TMEM267: variants seen among roughly 807,000 people sequenced by gnomAD.
TMEM267 encodes the protein transmembrane protein C5orf28.
A neutral mutation model predicts 19.3 loss-of-function variants in TMEM267; 20 were observed. That is an observed-to-expected ratio of 1.04 (90% CI 0.73 to 1.51). The LOEUF is 1.51. Ranked by LOEUF, TMEM267 falls within the 40% of genes most tolerant of loss-of-function variation. The probability of loss-of-function intolerance (pLI) is 0.00; values close to 1 mark genes in which losing one functional copy is unlikely to be tolerated. For synonymous variants in TMEM267, 88 were observed against 90.3 expected (o/e 0.97, Z 0.15); for missense variants, 242 against 261.9 (o/e 0.92, Z 0.52).
chr5:43,455,250 A>C (rs367848508), intron 1 of TMEM267, among the ~76,000 whole-genome samples: 1 of 151,890 alleles, frequency 6.6e-6, no homozygotes, highest in South Asian at 2.1e-4. Flanking sequence ...ATAGTGAGAC[A>C]CTGTCTCTAC....
chr5:43,470,353 G>C (rs1268157708), intron 1 of TMEM267, among the ~76,000 whole-genome samples: 1 of 152,178 alleles, frequency 6.6e-6, no homozygotes, highest in Non-Finnish European at 1.5e-5. Flanking sequence ...ATGTTGGCCA[G>C]GCTGGCCTTG....
chr5:43,472,800 G>A (rs1441795474), intron 1 of TMEM267, among the ~76,000 whole-genome samples: 2 of 149,926 alleles, frequency 1.3e-5, no homozygotes, highest in African/African-American at 4.9e-5. Flanking sequence ...GCTGTGAAGG[G>A]TGGTGGGGGG....
chr5:43,447,594 C>T (rs1382905394), intron 2 of TMEM267, among the ~76,000 whole-genome samples: 1 of 152,106 alleles, frequency 6.6e-6, no homozygotes, highest in African/African-American at 2.4e-5. Context: ...TGCACATATC[C>T]TCTAAAAGTA....
At chr5:43,452,000 C>T (rs1017854105) in intron 2 of TMEM267, among the ~76,000 whole-genome samples, 13 of 149,882 alleles carry the variant, frequency 8.7e-5, no homozygotes, top group Non-Finnish European at 1.8e-4. Context: ...ATTGCCTGAG[C>T]CCAAGAGGTT....
intron 2 of TMEM267, 138 bp downstream of exon 2, chr5:43,453,520 T>C: frequency 1.4e-6 from 1 of 731,722 alleles, no homozygotes; most frequent in South Asian, 1.9e-5. Flanking sequence ...AGGCAAGTAC[T>C]AAGTGGTCAA....
chr5:43,449,442 T>C (rs190592082), intron 2 of TMEM267, among the ~76,000 whole-genome samples: 2 of 152,228 alleles, frequency 1.3e-5, no homozygotes, highest in Admixed American at 1.3e-4. Context: ...AGAATGGAAC[T>C]AGTATTTAAA....
At chr5:43,459,436 T>C (rs1322966148) in intron 1 of TMEM267, among the ~76,000 whole-genome samples, 2 of 152,096 alleles carry the variant, frequency 1.3e-5, no homozygotes, top group Non-Finnish European at 2.9e-5. Context: ...CATAATCAGA[T>C]TGGGGCAAAA....
chr5:43,468,515 A>C (rs1270550277), intron 1 of TMEM267, among the ~76,000 whole-genome samples: 1 of 152,180 alleles, frequency 6.6e-6, no homozygotes, highest in Non-Finnish European at 1.5e-5. Flanking sequence ...GGTTAGTAAA[A>C]GTGAGGTTGG....
At chr5:43,474,232 T>C (rs1032283508) in intron 1 of TMEM267, among the ~76,000 whole-genome samples, 8 of 152,244 alleles carry the variant, frequency 5.3e-5, no homozygotes, top group East Asian at 1.9e-4. Context: ...CCAAAAGCAA[T>C]GGCAACAAAA....
intron 1 of TMEM267, among the ~76,000 whole-genome samples, chr5:43,459,940 T>TAATTG (rs1743160813): frequency 6.6e-6 from 1 of 152,164 alleles, no homozygotes; most frequent in Non-Finnish European, 1.5e-5. Context: ...TAATATATAA[T>TAATTG]TAAATAATTA....
chr5:43,444,929 G>A lies in TMEM267; in HGVS notation c.*1293C>T, dbSNP rs571464842. 18 of 152,130 alleles carry A rather than the reference G, an allele frequency of 1.2e-4. No individual in the cohort carries two copies. In the South Asian group the frequency reaches 3.7e-3, roughly 32 times the overall value. The allele number at this position is 152,130 out of a possible 1,614,324, so 9.4% of individuals were successfully genotyped here. On this transcript the variant is annotated 3_prime_UTR_variant, in exon 3 of 3. Coordinates refer to ENST00000397080, the MANE Select transcript of TMEM267 (RefSeq NM_022483.5). ...GCTTGAACCTTCATAATAATTTACA[G>A]AATTCTGTTTAACTTAATATACAAG...
intron 2 of TMEM267, 132 bp downstream of exon 2, chr5:43,453,526 G>A (rs936838211): frequency 1.7e-5 from 13 of 776,704 alleles, no homozygotes; most frequent in Non-Finnish European, 2.7e-5. Flanking sequence ...GTACTAAGTG[G>A]TCAAAAAGGT....
chr5:43,463,246 T>C (rs1263469641), intron 1 of TMEM267, among the ~76,000 whole-genome samples: 2 of 152,098 alleles, frequency 1.3e-5, no homozygotes, highest in East Asian at 1.9e-4. Context: ...CAAGAAGAAG[T>C]TGAATCACTG....
chr5:43,476,594 T>C (rs1226636901), intron 1 of TMEM267, among the ~76,000 whole-genome samples: 3 of 143,192 alleles, frequency 2.1e-5, no homozygotes, highest in Non-Finnish European at 4.5e-5. Flanking sequence ...ATAAATTTAA[T>C]GCAATTTTAA....
chr5:43,469,005 T>A (rs1254631432), intron 1 of TMEM267, among the ~76,000 whole-genome samples: 5 of 152,144 alleles, frequency 3.3e-5, no homozygotes, highest in Non-Finnish European at 5.9e-5. Context: ...GAAGGAAATT[T>A]AAAAATTTCT....
intron 1 of TMEM267, among the ~76,000 whole-genome samples, chr5:43,462,825 G>A (rs1031405027): frequency 2.6e-5 from 4 of 152,098 alleles, no homozygotes; most frequent in Admixed American, 2.0e-4. Context: ...AATAGTTATT[G>A]GCAGAAAGCA....
At chr5:43,479,759 A>G (rs908866592) in intron 1 of TMEM267, 1 of 326,808 alleles carries the variant, frequency 3.1e-6, no homozygotes, top group Non-Finnish European at 5.8e-6. Context: ...ATCATTTGCA[A>G]TAATGAAAAT....
chr5:43,469,331 C>T (rs1339423901), intron 1 of TMEM267, among the ~76,000 whole-genome samples: 1 of 152,234 alleles, frequency 6.6e-6, no homozygotes, highest in African/African-American at 2.4e-5. Flanking sequence ...AGGCCAATAT[C>T]TCTGATGAAT....
intron 2 of TMEM267, among the ~76,000 whole-genome samples, chr5:43,447,668 C>T (rs1424626871): frequency 6.6e-6 from 1 of 152,144 alleles, no homozygotes; most frequent in Admixed American, 6.5e-5. Flanking sequence ...AAACAGAAGC[C>T]AGAGAATGCC....
Sources: allele counts gnomAD v4.1 joint callset (sites outside exome capture counted in the v4.1 genomes callset), GRCh38; gene constraint gnomAD v4.1.1; transcripts MANE v1.5; gene names NCBI Gene and HGNC (gene_info 2026-07-23, HGNC 2026-07-21).